The following MACF1 variants were observed in gnomAD, a reference collection of about 807,000 sequenced individuals.
MACF1 encodes microtubule actin crosslinking factor 1, also known as microtubule-actin cross-linking factor 1.
MACF1 carries 193 observed loss-of-function variants against 854.8 expected under a neutral mutation model. The observed-to-expected ratio is 0.23, with a 90% CI of 0.20 to 0.25. The LOEUF (loss-of-function observed/expected upper bound fraction) is 0.25. Among genes scored for constraint, MACF1 ranks in the 10% least tolerant of loss-of-function variants. The pLI, the probability that MACF1 is intolerant of heterozygous loss-of-function variation, is 1.00. For missense variants in MACF1, 7,722 were observed against 8,929.1 expected (o/e 0.86, Z 5.45); for synonymous variants, 3,185 against 3,226.7 (o/e 0.99, Z 0.44).
At chr1:39,350,443 C>G (rs1284144571) in intron 42 of MACF1, among the ~76,000 whole-genome samples, 1 of 152,064 alleles carries the variant, frequency 6.6e-6, no homozygotes, top group Non-Finnish European at 1.5e-5. Flanking sequence ...GGAGTGATAC[C>G]CAAGAGAGTA....
At chr1:39,242,090 G>GT (rs1248042912) in intron 2 of MACF1, among the ~76,000 whole-genome samples, 2 of 152,224 alleles carry the variant, frequency 1.3e-5, no homozygotes, top group African/African-American at 4.8e-5. Flanking sequence ...GCTCACGCCT[G>GT]TAATCCCAGC....
chr1:39,361,554 C>G lies in MACF1; in HGVS notation c.12648C>G (p.Pro4216=). The change falls in exon 49 of 101, where the codon CCC becomes CCG. Residue 4216 remains proline, a synonymous_variant. Transcript: ENST00000564288. ...EKESSLKKLL[P]QAEMFEHLSG... is the part of the protein sequence containing the mutation. ...AGAGCTCCCTAAAGAAGCTTCTACC[C>G]CAGGCAGAGATGTTTGAACACCTCT... 6.2e-7 allele frequency: 1 copy of G among 1,614,130 alleles called. No individual in the cohort carries two copies. The highest frequency in any genetic ancestry group is 1.1e-5 in the South Asian group (1 of 91,080).
intron 2 of MACF1, among the ~76,000 whole-genome samples, chr1:39,095,338 G>A (rs1379503093): frequency 1.3e-5 from 2 of 151,832 alleles, no homozygotes; most frequent in East Asian, 1.9e-4. Flanking sequence ...CGAGGCGGGC[G>A]GATCATGAGG....
chr1:39,317,911 T>C (rs1160916507), intron 29 of MACF1, among the ~76,000 whole-genome samples: 1 of 152,230 alleles, frequency 6.6e-6, no homozygotes, highest in Non-Finnish European at 1.5e-5. Flanking sequence ...TAGGGAAATT[T>C]GTAGGGAGAG....
chr1:39,256,124 A>T (rs1571227252), intron 5 of MACF1, among the ~76,000 whole-genome samples: 1 of 152,340 alleles, frequency 6.6e-6, no homozygotes, highest in East Asian at 1.9e-4. Flanking sequence ...TAAATGCTAA[A>T]TTTCCAGGAA....
chr1:39,234,326 T>TGGCCGGGCAGAGGG (rs1454165670), intron 2 of MACF1, among the ~76,000 whole-genome samples: 17 of 151,496 alleles, frequency 1.1e-4, no homozygotes, highest in Admixed American at 3.3e-4. Context: ...GACGGGGTGG[T>TGGCCGGGCAGAGGG]GGCCGGGCAG....
At position 39,357,771 on chromosome 1, in the gene MACF1, G is replaced by C; in HGVS notation, c.11821G>C (p.Gly3941Arg). The C allele has an allele frequency of 6.2e-7, 1 of 1,614,126 alleles. No individual in the cohort carries two copies. Residue 3941 changes from glycine to arginine, a missense_variant, in exon 45 of 101, where the codon GGA becomes CGA. Gly to Arg is a moderately radical substitution (Grantham distance 125). Transcript: ENST00000564288. ...KGDLRFVTIS[G>R]QKVLDMENSF... is the part of the protein sequence containing the mutation. ...AGACTTGAGATTTGTGACTATCTCA[G>C]GACAGAAAGTCTTGGACATGGAAAA... is the stretch of plus-strand genomic sequence containing the variant.
intron 2 of MACF1, among the ~76,000 whole-genome samples, chr1:39,235,458 A>G (rs927858208): frequency 2.6e-5 from 4 of 152,198 alleles, no homozygotes; most frequent in South Asian, 4.1e-4. Flanking sequence ...AACACACCCT[A>G]AATTGTTAAG....
chr1:39,482,904 A>G (rs866229280), intron 99 of MACF1, among the ~76,000 whole-genome samples: 1 of 151,074 alleles, frequency 6.6e-6, no homozygotes, highest in Non-Finnish European at 1.5e-5. Flanking sequence ...ACTTGAGCCC[A>G]GGAGTTCAAG....
In MACF1 at chr1:39,485,563, T is replaced by C. The variant is rs1454616960; in HGVS notation, c.22437T>C (p.Pro7479=). ...RADPKKSASR[P]GSRAGSRAGS... Reference sequence around the variant, plus strand: ...ACCCTAAAAAGTCTGCCAGTCGCCCTGGGAGTCGGGCTGGGAGTCGAGCCG... The same window carrying C: ...ACCCTAAAAAGTCTGCCAGTCGCCCCGGGAGTCGGGCTGGGAGTCGAGCCG... The change falls in exon 101 of 101, where the codon CCT becomes CCC. Residue 7479 remains proline (P), a synonymous_variant. Coordinates refer to ENST00000564288, the MANE Select transcript of MACF1 (RefSeq NM_001394062.1). 3.1e-6 allele frequency: 5 copies of C among 1,613,602 alleles called. No individual in the cohort carries two copies. In the African/African-American group the frequency reaches 4.0e-5, roughly 13 times the overall value.
intron 59 of MACF1, 64 bp from the exon 60 acceptor site, chr1:39,422,666 G>A (rs1160246647): frequency 4.5e-6 from 7 of 1,560,114 alleles, no homozygotes; most frequent in Non-Finnish European, 6.1e-6. Flanking sequence ...ACTAAAAGAG[G>A]TCAGTAGTAA....
chr1:39,416,493 GA>G (rs60052765), intron 58 of MACF1, among the ~76,000 whole-genome samples: 1,125 of 111,682 alleles, frequency 0.01, 9 homozygotes, highest in African/African-American at 0.03. Context: ...AAAATAAAAA[GA>G]AAAAAAAAAA....
chr1:39,260,979 A>G (rs1451027391), intron 6 of MACF1, among the ~76,000 whole-genome samples: 3 of 152,198 alleles, frequency 2.0e-5, no homozygotes, highest in Non-Finnish European at 4.4e-5. Context: ...TATTGTTAGC[A>G]GTATGATTAC....
At position 39,283,136 on chromosome 1, in the gene MACF1, CAT is replaced by C. The variant is rs899399105; in HGVS notation, c.696-52_696-51del. The C allele has an allele frequency of 5.4e-6, 6 of 1,117,102 alleles. No homozygotes were observed. Among genetic ancestry groups the C allele is most frequent in the African/African-American group, 3.0e-5 (2 of 65,660 alleles). 69.2% of individuals were successfully genotyped at this position (1,117,102 alleles called of 1,614,324 possible). ...TCAGGAGGTTTTCTTTGTGTAAACT[CAT>C]GTGTGATGTGTAGATGGTGGCGTTT... is the stretch of plus-strand genomic sequence containing the variant. On this transcript the variant is annotated intron_variant, in intron 7 of 100. Coordinates refer to ENST00000564288, the MANE Select transcript of MACF1 (RefSeq NM_001394062.1). The surrounding 1 kb of genome is among the most constrained non-coding windows in gnomAD (Gnocchi z 4.5).
chr1:39,411,611 C>T, intron 58 of MACF1: 2 of 1,613,958 alleles, frequency 1.2e-6, no homozygotes, highest in African/African-American at 1.3e-5. Context: ...TCAGCATGTA[C>T]TGTGGGTACT....
intron 1 of MACF1, among the ~76,000 whole-genome samples, chr1:39,227,477 C>CTT (rs1428540075): frequency 6.6e-6 from 1 of 151,356 alleles, no homozygotes; most frequent in Non-Finnish European, 1.5e-5. Flanking sequence ...GTTCAGAACA[C>CTT]TATATAATTA....
chr1:39,285,114 C>T lies in MACF1; in HGVS notation c.1163C>T (p.Pro388Leu), dbSNP rs750656239. The T allele has an allele frequency of 4.3e-6, 7 of 1,614,008 alleles. No individual in the cohort carries two copies. The Admixed American group carries it at 5.0e-5, about 12-fold the overall frequency. Residue 388 changes from proline to leucine, a missense_variant, in exon 12 of 101, where the codon CCT becomes CTT. Around this residue, in one of 15 missense-constraint regions of MACF1, gnomAD observed 97 missense variants for 130.4 expected, o/e 0.74. Transcript: ENST00000564288. Reference protein sequence around the residue: ...VWIEFGRIKLPQGYHPNDVEE... With the variant: ...VWIEFGRIKLLQGYHPNDVEE... Reference sequence around the variant, plus strand: ...ATTGAATTTGGCCGAATTAAACTGCCTCAAGGTTATCACCCTAATGATGTG... The same window carrying T: ...ATTGAATTTGGCCGAATTAAACTGCTTCAAGGTTATCACCCTAATGATGTG...
chr1:39,145,924 G>A (rs1643453551), intron 2 of MACF1, among the ~76,000 whole-genome samples: 1 of 152,122 alleles, frequency 6.6e-6, no homozygotes, highest in African/African-American at 2.4e-5. Context: ...AAATTTGCAT[G>A]TAATGTATCC....
chr1:39,191,970 G>A (rs1644259692), intron 2 of MACF1, among the ~76,000 whole-genome samples: 1 of 152,080 alleles, frequency 6.6e-6, no homozygotes. Context: ...GGCCAACATG[G>A]TGAAACTCCG....
Sources: allele counts gnomAD v4.1 joint callset (sites outside exome capture counted in the v4.1 genomes callset), GRCh38; gene constraint gnomAD v4.1.1; regional missense constraint gnomAD v4.1.1; non-coding constraint Gnocchi (gnomAD v3.1); transcripts MANE v1.5; gene names NCBI Gene and HGNC (gene_info 2026-07-23, HGNC 2026-07-21).